GPC5: variants seen among roughly 807,000 people sequenced by gnomAD.
GPC5 encodes glypican 5.
In GPC5, 47 loss-of-function variants were observed where a neutral mutation model predicts 53.9. The observed-to-expected ratio is 0.87, with a 90% CI of 0.69 to 1.11. The LOEUF (loss-of-function observed/expected upper bound fraction) is 1.11. GPC5 is among the 50% of genes most tolerant of loss of function. GPC5 has a pLI of 0.00. For missense variants in GPC5, 748 were observed against 713.1 expected (o/e 1.05, Z -0.56); for synonymous variants, 286 against 263.3 (o/e 1.09, Z -0.84).
chr13:92,788,937 A>T (rs191406337), intron 7 of GPC5, among the ~76,000 whole-genome samples: 2 of 152,232 alleles, frequency 1.3e-5, no homozygotes, highest in African/African-American at 2.4e-5. Flanking sequence ...GGGTAAGAAT[A>T]TCTCAATATT....
intron 5 of GPC5, among the ~76,000 whole-genome samples, chr13:91,821,197 T>A (rs1461999158): frequency 6.6e-6 from 1 of 152,200 alleles, no homozygotes; most frequent in Non-Finnish European, 1.5e-5. Context: ...CTCACACATC[T>A]ATTTACAGTT....
chr13:91,932,858 A>G (rs1239345377), intron 6 of GPC5, among the ~76,000 whole-genome samples: 1 of 151,958 alleles, frequency 6.6e-6, no homozygotes, highest in African/African-American at 2.4e-5. Context: ...CTCTAAGTAT[A>G]TTCCAACGAC....
intron 2 of GPC5, among the ~76,000 whole-genome samples, chr13:91,668,643 A>C (rs912766981): frequency 6.6e-6 from 1 of 152,190 alleles, no homozygotes; most frequent in African/African-American, 2.4e-5. Flanking sequence ...TCTAAAAAAA[A>C]GAAAGATACT....
chr13:92,341,312 T>C lies in GPC5; in HGVS notation c.1561+196323T>C, dbSNP rs183621430. On this transcript the variant is annotated intron_variant, in intron 7 of 7. Coordinates refer to ENST00000377067, the MANE Select transcript of GPC5 (RefSeq NM_004466.6). ...AAAATAAATTTAGTCACTAGTTCCA[T>C]CTATACTGGGACTAATCTTTAAAGG... Among the ~76,000 whole-genome samples the C allele has an allele frequency of 5.9e-3, 904 of 152,242 alleles. 8 individuals carry two copies. The highest frequency in any genetic ancestry group is 0.021 in the African/African-American group (865 of 41,566).
chr13:92,652,523 C>G (rs535225522), intron 7 of GPC5, among the ~76,000 whole-genome samples: 12 of 152,214 alleles, frequency 7.9e-5, no homozygotes, highest in Middle Eastern at 3.4e-3. Flanking sequence ...CCTCTCTACT[C>G]AGTCTAGAGT....
chr13:92,224,843 C>T lies in GPC5; in HGVS notation c.1561+79854C>T, dbSNP rs372557244. Among the ~76,000 whole-genome samples, 69 of 152,298 alleles carry T rather than the reference C, an allele frequency of 4.5e-4. No individual in the cohort carries two copies. The South Asian group carries it at 0.014, about 30-fold the overall frequency. ...TTAGAAGCTTGTGCCTGGTTTCTTA[C>T]AGACTTTGCCTCATGTACCTTTTCT... On this transcript the variant is annotated intron_variant, in intron 7 of 7. Transcript: ENST00000377067.
chr13:91,721,827 C>A (rs760848765), intron 3 of GPC5, among the ~76,000 whole-genome samples: 11 of 152,186 alleles, frequency 7.2e-5, no homozygotes, highest in Non-Finnish European at 1.6e-4. Flanking sequence ...AGTATTTAAA[C>A]CAATTGACCA....
At chr13:92,351,521 T>C (rs1044202204) in intron 7 of GPC5, among the ~76,000 whole-genome samples, 8 of 151,862 alleles carry the variant, frequency 5.3e-5, no homozygotes, top group African/African-American at 9.7e-5. Context: ...AATACCAAGA[T>C]GAAGATAAGA....
At chr13:92,799,469 G>A (rs1395875319) in intron 7 of GPC5, among the ~76,000 whole-genome samples, 1 of 151,726 alleles carries the variant, frequency 6.6e-6, no homozygotes, top group Non-Finnish European at 1.5e-5. Context: ...AAGATAGTAA[G>A]AAATGGTGCA....
intron 3 of GPC5, among the ~76,000 whole-genome samples, chr13:91,723,277 T>C (rs1312412144): frequency 1.3e-5 from 2 of 152,100 alleles, no homozygotes; most frequent in Non-Finnish European, 2.9e-5. Context: ...CTCTTTCTCC[T>C]GCATCTGAAA....
chr13:91,705,906 G>C (rs1474625427), intron 3 of GPC5, among the ~76,000 whole-genome samples: 1 of 137,702 alleles, frequency 7.3e-6, no homozygotes, highest in African/African-American at 2.8e-5. Context: ...TTGAGATGGA[G>C]TTTTGTTCTT....
At chr13:92,041,587 C>T (rs979705892) in intron 6 of GPC5, among the ~76,000 whole-genome samples, 27 of 152,264 alleles carry the variant, frequency 1.8e-4, no homozygotes, top group Admixed American at 1.8e-3. Context: ...CTGCCTGCCC[C>T]CCTAAAGCTG....
At chr13:92,167,785 G>A (rs2042042152) in intron 7 of GPC5, among the ~76,000 whole-genome samples, 1 of 151,794 alleles carries the variant, frequency 6.6e-6, no homozygotes, top group Non-Finnish European at 1.5e-5. Flanking sequence ...TTTCAGAAAA[G>A]GTCATCTGTT....
At chr13:91,491,575 T>TA (rs1594159611) in intron 2 of GPC5, among the ~76,000 whole-genome samples, 1 of 152,160 alleles carries the variant, frequency 6.6e-6, no homozygotes, top group South Asian at 2.1e-4. Context: ...CTTAAAATAA[T>TA]AAAAAATTAT....
intron 6 of GPC5, among the ~76,000 whole-genome samples, chr13:92,086,005 C>A (rs2041332912): frequency 6.6e-6 from 1 of 152,158 alleles, no homozygotes; most frequent in South Asian, 2.1e-4. Flanking sequence ...ATCCAGCAAG[C>A]CTTTTAAATG....
intron 7 of GPC5, among the ~76,000 whole-genome samples, chr13:92,209,687 A>T (rs6492592): frequency 0.25 from 37,309 of 151,936 alleles, 4,906 homozygotes; most frequent in African/African-American, 0.33. Context: ...TAAAAAAAAA[A>T]TAGTGTCTAG....
At chr13:91,429,664 G>A (rs956487108) in intron 1 of GPC5, among the ~76,000 whole-genome samples, 1 of 152,196 alleles carries the variant, frequency 6.6e-6, no homozygotes, top group African/African-American at 2.4e-5. Flanking sequence ...TTCCAGGTGA[G>A]TTAGTGGCAC....
In GPC5 at chr13:91,631,315, C is replaced by T. The variant is rs116489233; in HGVS notation, c.326-61872C>T. ...TAATGACATGGACCTTGACGCTATGCTTTAGGAAGTCTTTCACCAAACATA... is the reference window on the plus strand; with the variant it reads ...TAATGACATGGACCTTGACGCTATGTTTTAGGAAGTCTTTCACCAAACATA... On this transcript the variant is annotated intron_variant, in intron 2 of 7. Transcript: ENST00000377067. 4.1e-3 allele frequency among the ~76,000 whole-genome samples: 626 copies of T among 152,102 alleles called. 7 individuals are homozygous for T. Among genetic ancestry groups the T allele is most frequent in the African/African-American group, 0.014 (598 of 41,490 alleles).
intron 7 of GPC5, among the ~76,000 whole-genome samples, chr13:92,618,337 G>GA (rs1441207207): frequency 6.6e-6 from 1 of 151,936 alleles, no homozygotes; most frequent in Non-Finnish European, 1.5e-5. Context: ...AGGAAAACTA[G>GA]AAAAAAGTAG....
Sources: gnomAD v4.1 joint callset for allele counts (sites outside exome capture counted in the v4.1 genomes callset) on GRCh38, gnomAD v4.1.1 for gene constraint, MANE v1.5 for transcripts, NCBI Gene and HGNC (gene_info 2026-07-23, HGNC 2026-07-21) for gene names.